Variants in IL1RAPL2 observed in about 807,000 individuals in gnomAD.
IL1RAPL2 encodes interleukin 1 receptor accessory protein like 2, also known as X-linked interleukin-1 receptor accessory protein-like 2.
IL1RAPL2 carries 3 observed loss-of-function variants against 44.1 expected under a neutral mutation model. That is an observed-to-expected ratio of 0.07 (90% CI 0.03 to 0.18). The LOEUF (loss-of-function observed/expected upper bound fraction) is 0.18. Among genes scored for constraint, IL1RAPL2 ranks in the 10% least tolerant of loss-of-function variants. IL1RAPL2 has a pLI of 1.00. For synonymous variants in IL1RAPL2, 181 were observed against 178.8 expected, an observed-to-expected ratio of 1.01 and a Z score of -0.10; for missense variants, 391 against 496.4, an observed-to-expected ratio of 0.79 and a Z score of 2.02.
At chrX:105,354,155 T>A (rs1470026522) in intron 5 of IL1RAPL2, among the ~76,000 whole-genome samples, 1 of 111,287 alleles carries the variant, frequency 9.0e-6, no homozygotes, top group African/African-American at 3.3e-5. Flanking sequence ...TTACTGGGTA[T>A]ATACCCAAAG....
intron 2 of IL1RAPL2, among the ~76,000 whole-genome samples, chrX:105,112,132 A>G (rs945630414): frequency 3.6e-5 from 4 of 111,725 alleles, no homozygotes; most frequent in African/African-American, 1.3e-4. Flanking sequence ...TTGGGAGAAC[A>G]CCCTTTTCTG....
intron 2 of IL1RAPL2, among the ~76,000 whole-genome samples, chrX:104,881,602 T>A (rs1162007825): frequency 1.8e-5 from 2 of 112,212 alleles, no homozygotes; most frequent in Non-Finnish European, 3.8e-5. Flanking sequence ...TATTATAAAA[T>A]TTAAATAGAC....
intron 6 of IL1RAPL2, among the ~76,000 whole-genome samples, chrX:105,677,166 G>A (rs1461823958): frequency 9.0e-6 from 1 of 111,730 alleles, no homozygotes; most frequent in African/African-American, 3.2e-5. Flanking sequence ...CCTGTTTCCA[G>A]CTGTGTGTTG....
intron 2 of IL1RAPL2, among the ~76,000 whole-genome samples, chrX:104,914,767 C>T (rs1924360710): frequency 9.1e-6 from 1 of 110,250 alleles, no homozygotes; most frequent in South Asian, 3.9e-4. Flanking sequence ...TTCCTGTGTC[C>T]ATGTGTTCTC....
chrX:105,587,041 C>A (rs207478713), intron 6 of IL1RAPL2, among the ~76,000 whole-genome samples: 1 of 111,434 alleles, frequency 9.0e-6, no homozygotes, highest in East Asian at 2.8e-4. Context: ...TCCCAGAGAT[C>A]ATTACCCTGT....
At chrX:104,626,612 G>T (rs1334178956) in intron 1 of IL1RAPL2, among the ~76,000 whole-genome samples, 1 of 110,284 alleles carries the variant, frequency 9.1e-6, no homozygotes, top group African/African-American at 3.3e-5. Flanking sequence ...ATACAGATCA[G>T]TGTGCTCAAT....
At chrX:104,646,127 T>A (rs1318263414) in intron 1 of IL1RAPL2, among the ~76,000 whole-genome samples, 1 of 111,794 alleles carries the variant, frequency 8.9e-6, no homozygotes, top group African/African-American at 3.2e-5. Context: ...CAAAAGTAGG[T>A]GGGAGAGTTA....
rs373105323 is a variant in IL1RAPL2, at chrX:105,233,975, G to A, written c.514G>A (p.Asp172Asn). Residue 172 changes from aspartate to asparagine, a missense_variant, in exon 4 of 11, where the codon GAT (aspartate) becomes AAT (asparagine). Coordinates refer to ENST00000372582, the MANE Select transcript of IL1RAPL2 (RefSeq NM_017416.2). Reference sequence around the variant, plus strand: ...AGACATGGATGACTTTAAAAAGTCCGATCAGGAGCCTGATGTTGTGTGGTA... The same window carrying A: ...AGACATGGATGACTTTAAAAAGTCCAATCAGGAGCCTGATGTTGTGTGGTA... ...CPDMDDFKKS[D>N]QEPDVVWYKE... 3.4e-5 allele frequency: 41 copies of A among 1,207,514 alleles called. No homozygotes were observed. In the East Asian group the frequency reaches 8.6e-4, roughly 25 times the overall value.
At chrX:104,688,725 T>C (rs1259364995) in intron 2 of IL1RAPL2, among the ~76,000 whole-genome samples, 4 of 112,133 alleles carry the variant, frequency 3.6e-5, no homozygotes, top group Non-Finnish European at 7.5e-5. Flanking sequence ...TATTCAGCAC[T>C]GATTGGTAAC....
chrX:105,273,698 C>A (rs1603042703), intron 5 of IL1RAPL2, among the ~76,000 whole-genome samples: 1 of 111,734 alleles, frequency 8.9e-6, no homozygotes, highest in Admixed American at 9.5e-5. Context: ...TGAACCTAAG[C>A]ATAAAAATGG....
chrX:105,253,189 C>G (rs1038593548), intron 4 of IL1RAPL2, among the ~76,000 whole-genome samples: 1 of 111,499 alleles, frequency 9.0e-6, no homozygotes, highest in Non-Finnish European at 1.9e-5. Flanking sequence ...CCCATTATGC[C>G]TATTTTACAC....
intron 2 of IL1RAPL2, among the ~76,000 whole-genome samples, chrX:104,850,721 T>C (rs1188973758): frequency 9.0e-6 from 1 of 111,599 alleles, no homozygotes; most frequent in East Asian, 2.8e-4. Flanking sequence ...AAATCTTGGC[T>C]GAAATCTCAT....
intron 1 of IL1RAPL2, among the ~76,000 whole-genome samples, chrX:104,571,724 T>G (rs1195967800): frequency 1.8e-5 from 2 of 111,927 alleles, no homozygotes; most frequent in Non-Finnish European, 3.8e-5. Flanking sequence ...ATTAGCAGTA[T>G]GAGAACAAAC....
intron 6 of IL1RAPL2, among the ~76,000 whole-genome samples, chrX:105,654,535 C>T (rs1367892675): frequency 9.0e-6 from 1 of 111,540 alleles, no homozygotes; most frequent in Non-Finnish European, 1.9e-5. Flanking sequence ...AGTGGCTTGC[C>T]TTCAAAACTG....
chrX:104,654,048 A>G (rs751260091), intron 1 of IL1RAPL2, among the ~76,000 whole-genome samples: 1 of 110,469 alleles, frequency 9.1e-6, no homozygotes, highest in Non-Finnish European at 1.9e-5. Flanking sequence ...ACTTAAAGAT[A>G]ATTTCCCCCC....
chrX:105,304,908 C>T (rs763598080), intron 5 of IL1RAPL2, among the ~76,000 whole-genome samples: 5 of 111,557 alleles, frequency 4.5e-5, no homozygotes, highest in Admixed American at 9.6e-5. Flanking sequence ...GTTCTGCTGG[C>T]TGTACAGGAA....
intron 2 of IL1RAPL2, among the ~76,000 whole-genome samples, chrX:104,923,248 C>T (rs1337592852): frequency 8.9e-6 from 1 of 111,852 alleles, no homozygotes; most frequent in Non-Finnish European, 1.9e-5. Flanking sequence ...GGGAATAATT[C>T]AGGAAAAATT....
intron 2 of IL1RAPL2, among the ~76,000 whole-genome samples, chrX:104,825,883 G>C (rs1417875188): frequency 1.8e-5 from 2 of 111,563 alleles, no homozygotes; most frequent in Non-Finnish European, 3.8e-5. Context: ...ACTGCAAATT[G>C]AGGAGGCTGC....
At chrX:104,724,525 C>T (rs1379226217) in intron 2 of IL1RAPL2, among the ~76,000 whole-genome samples, 1 of 111,287 alleles carries the variant, frequency 9.0e-6, no homozygotes, top group Non-Finnish European at 1.9e-5. Context: ...AATTCTTCAA[C>T]ACTGATAGAA....
Sources: allele counts gnomAD v4.1 joint callset (sites outside exome capture counted in the v4.1 genomes callset), GRCh38; gene constraint gnomAD v4.1.1; transcripts MANE v1.5; gene names NCBI Gene and HGNC (gene_info 2026-07-23, HGNC 2026-07-21).